PKP2: variants seen among roughly 807,000 people sequenced by gnomAD.
The protein encoded by PKP2 is plakophilin-2.
Under a neutral mutation model 83.4 loss-of-function variants are expected in PKP2, and 73 were observed. That is an observed-to-expected ratio of 0.88 (90% CI 0.72 to 1.06). PKP2 has a LOEUF of 1.06. Among genes scored for constraint, PKP2 ranks in the 50% least tolerant of loss-of-function variants. The probability of loss-of-function intolerance (pLI) is 0.00; values close to 1 mark genes in which losing one functional copy is unlikely to be tolerated. For synonymous variants in PKP2, 409 were observed against 430.4 expected, an observed-to-expected ratio of 0.95 and a Z score of 0.62; for missense variants, 966 against 1,065.4, an observed-to-expected ratio of 0.91 and a Z score of 1.30.
At chr12:32,896,141 C>A (rs2138008615) in intron 1 of PKP2, among the ~76,000 whole-genome samples, 1 of 152,246 alleles carries the variant, frequency 6.6e-6, no homozygotes, top group East Asian at 1.9e-4. Context: ...ATCGTACACA[C>A]CAAAAATTCT....
At chr12:32,830,012 A>G (rs1261496467) in intron 6 of PKP2, among the ~76,000 whole-genome samples, 5 of 152,158 alleles carry the variant, frequency 3.3e-5, no homozygotes, top group Non-Finnish European at 5.9e-5. Context: ...GATCACCTCA[A>G]TGGTTTTAAA....
intron 4 of PKP2, among the ~76,000 whole-genome samples, chr12:32,857,084 C>A (rs536645723): frequency 6.6e-6 from 1 of 152,110 alleles, no homozygotes; most frequent in Non-Finnish European, 1.5e-5. Flanking sequence ...CCCAGCCCAA[C>A]AGGACAGAGG....
chr12:32,883,827 C>CA (rs1169352574), intron 1 of PKP2, among the ~76,000 whole-genome samples: 2 of 152,106 alleles, frequency 1.3e-5, no homozygotes, highest in Non-Finnish European at 2.9e-5. Flanking sequence ...AGCATAGACT[C>CA]AAACGCTTTC....
chr12:32,881,766 TGCCTCAGCCTCTG>T (rs1242700380), intron 1 of PKP2, among the ~76,000 whole-genome samples: 1 of 152,248 alleles, frequency 6.6e-6, no homozygotes, highest in Non-Finnish European at 1.5e-5. Context: ...GGAATTCTCC[TGCCTCAGCCTCTG>T]TGAGCCACCG....
intron 3 of PKP2, 100 bp from the exon 4 acceptor site, chr12:32,869,162 T>C (rs900835917): frequency 1.5e-6 from 2 of 1,360,772 alleles, no homozygotes; most frequent in Middle Eastern, 1.8e-4. Context: ...TGGGAAGCAC[T>C]AGAACATCTG....
chr12:32,864,333 C>CACACAT (rs201387255), intron 4 of PKP2, among the ~76,000 whole-genome samples: 1 of 145,786 alleles, frequency 6.9e-6, no homozygotes, highest in African/African-American at 2.7e-5. Context: ...CACACACACA[C>CACACAT]ACACATACAC....
At chr12:32,793,562 T>C (rs1956092445) in intron 11 of PKP2, among the ~76,000 whole-genome samples, 1 of 148,396 alleles carries the variant, frequency 6.7e-6, no homozygotes, top group African/African-American at 2.5e-5. Flanking sequence ...GTTCTTGCTA[T>C]AAATCAAAGT....
chr12:32,845,371 A>G (rs1009262391), intron 5 of PKP2, among the ~76,000 whole-genome samples: 7 of 152,020 alleles, frequency 4.6e-5, no homozygotes, highest in Non-Finnish European at 1.0e-4. Flanking sequence ...CTAACATGGT[A>G]AAACTCGTCT....
chr12:32,867,708 T>C (rs1371954085), intron 4 of PKP2, among the ~76,000 whole-genome samples: 1 of 152,220 alleles, frequency 6.6e-6, no homozygotes, highest in East Asian at 1.9e-4. Flanking sequence ...ATCAACTGTT[T>C]CAACAATTGT....
intron 4 of PKP2, among the ~76,000 whole-genome samples, chr12:32,851,888 T>C (rs1956699344): frequency 6.6e-6 from 1 of 152,190 alleles, no homozygotes; most frequent in African/African-American, 2.4e-5. Flanking sequence ...TTAAAAAATA[T>C]TCCTTCTATC....
chr12:32,810,392 A>G (rs551651947), intron 9 of PKP2, among the ~76,000 whole-genome samples: 356 of 152,174 alleles, frequency 2.3e-3, no homozygotes, highest in Non-Finnish European at 4.1e-3. Flanking sequence ...ATAATCCTTC[A>G]AAGTCACCAT....
intron 1 of PKP2, among the ~76,000 whole-genome samples, chr12:32,889,936 G>T (rs1296880712): frequency 1.3e-5 from 2 of 151,894 alleles, no homozygotes; most frequent in Middle Eastern, 3.2e-3. Context: ...TTAGCCGGGT[G>T]TGGTGGCACA....
intron 10 of PKP2, among the ~76,000 whole-genome samples, chr12:32,799,057 A>T (rs900418008): frequency 1.3e-5 from 2 of 152,178 alleles, no homozygotes; most frequent in African/African-American, 4.8e-5. Context: ...GGATCTCAAA[A>T]AAGCAAGAAA....
At chr12:32,795,957 AG>A (rs1346054793) in intron 11 of PKP2, 151 bp downstream of exon 11, 1 of 742,324 alleles carries the variant, frequency 1.3e-6, no homozygotes, top group African/African-American at 1.7e-5. Context: ...CTGATCACTG[AG>A]GGCTGACCAG....
intron 6 of PKP2, among the ~76,000 whole-genome samples, chr12:32,838,850 T>G (rs536715434): frequency 6.6e-6 from 1 of 152,340 alleles, no homozygotes; most frequent in Admixed American, 6.5e-5. Context: ...GGCTATGAAC[T>G]CCCGTTTGAA....
rs1956078300 is a variant in PKP2 at position 32,792,495 on chromosome 12, T to C, written c.2446-3A>G. 1 of 1,613,154 alleles carries C rather than the reference T, an allele frequency of 6.2e-7. No homozygotes were observed. The highest frequency in any genetic ancestry group is 8.5e-7 in the Non-Finnish European group (1 of 1,179,134). On this transcript the variant is annotated splice_region_variant and splice_polypyrimidine_tract_variant and intron_variant, in intron 12 of 12. Coordinates refer to ENST00000340811, the MANE Select transcript of PKP2 (RefSeq NM_001005242.3). ...AAATCTGTCTTCTTAAACTGAGCCTTTGGAATAAGCAAACAGAAACGTGAA... is the reference window on the plus strand; with the variant it reads ...AAATCTGTCTTCTTAAACTGAGCCTCTGGAATAAGCAAACAGAAACGTGAA...
At chr12:32,874,433 A>G (rs112718147) in intron 3 of PKP2, among the ~76,000 whole-genome samples, 58 of 152,300 alleles carry the variant, frequency 3.8e-4, no homozygotes, top group African/African-American at 1.3e-3. Flanking sequence ...TCCTTTTCAC[A>G]GAGAGCCAAA....
chr12:32,868,197 G>T (rs192519796), intron 4 of PKP2, among the ~76,000 whole-genome samples: 3 of 152,240 alleles, frequency 2.0e-5, no homozygotes, highest in East Asian at 1.9e-4. Flanking sequence ...TAAAGTAAAA[G>T]ACCTCAATTA....
intron 9 of PKP2, among the ~76,000 whole-genome samples, chr12:32,812,361 G>C (rs1482595629): frequency 6.6e-6 from 1 of 152,108 alleles, no homozygotes; most frequent in Non-Finnish European, 1.5e-5. Flanking sequence ...TGTTCACCCA[G>C]AAAGCTAACT....
Sources: gnomAD v4.1 joint callset for allele counts (sites outside exome capture counted in the v4.1 genomes callset) on GRCh38, gnomAD v4.1.1 for gene constraint, MANE v1.5 for transcripts, NCBI Gene and HGNC (gene_info 2026-07-23, HGNC 2026-07-21) for gene names.